DNAH11: variants seen among roughly 807,000 people sequenced by gnomAD.
DNAH11 encodes axonemal beta dynein heavy chain 11.
Under a neutral mutation model 526.0 loss-of-function variants are expected in DNAH11, and 442 were observed. The ratio of observed to expected loss-of-function variants is 0.84; its 90% CI spans 0.78 to 0.91. The LOEUF is 0.91. DNAH11 is among the 40% of genes least tolerant of loss of function. DNAH11 has a pLI of 0.00. For synonymous variants in DNAH11, 2,461 were observed against 1,935.9 expected, an observed-to-expected ratio of 1.27 and a Z score of -7.12; for missense variants, 6,989 against 5,448.7, an observed-to-expected ratio of 1.28 and a Z score of -8.90.
intron 8 of DNAH11, among the ~76,000 whole-genome samples, chr7:21,576,047 TA>T (rs1373615431): frequency 6.6e-6 from 1 of 152,176 alleles, no homozygotes; most frequent in Non-Finnish European, 1.5e-5. Context: ...TAAGTGCAAC[TA>T]AAACACTGGC....
chr7:21,839,587 A>AGG (rs1554287143), intron 65 of DNAH11, among the ~76,000 whole-genome samples: 1 of 150,698 alleles, frequency 6.6e-6, no homozygotes, highest in Non-Finnish European at 1.5e-5. Flanking sequence ...AAAAAAAAAA[A>AGG]GGGGACGTAT....
At chr7:21,872,314 A>G (rs1184938899) in intron 73 of DNAH11, among the ~76,000 whole-genome samples, 1 of 152,056 alleles carries the variant, frequency 6.6e-6, no homozygotes, top group African/African-American at 2.4e-5. Flanking sequence ...CAAGGGAATA[A>G]AAGCCAATAA....
chr7:21,619,273 G>A, intron 24 of DNAH11, 51 bp downstream of exon 24: 1 of 1,579,410 alleles, frequency 6.3e-7, no homozygotes, highest in Non-Finnish European at 8.6e-7. Flanking sequence ...TTGGGTATTT[G>A]CATAGAAGCC....
Position 21,591,440 on chromosome 7 carries a change from T to C in DNAH11, c.2530T>C (p.Trp844Arg). 6.2e-7 allele frequency: 1 copy of C among 1,613,912 alleles called. No homozygotes were observed. The highest frequency in any genetic ancestry group is 8.5e-7 in the Non-Finnish European group (1 of 1,179,864). ...GGTGATCCAGCAGACCATGAGGGGC[T>C]GGGCCAGGTGCGTGCTACCTCCCAG... ...VKVIQQTMRG[W>R]ARCVLPPRRE... is the part of the protein sequence containing the mutation. The change falls in exon 14 of 82, where the codon TGG (tryptophan) becomes CGG (arginine). Residue 844 changes from tryptophan to arginine, a missense_variant. Physicochemically the swap from Trp to Arg is moderately radical, Grantham distance 101. Transcript: ENST00000409508.
chr7:21,850,021 C>A, intron 66 of DNAH11, among the ~76,000 whole-genome samples: 1 of 149,618 alleles, frequency 6.7e-6, no homozygotes, highest in African/African-American at 2.5e-5. Flanking sequence ...TCTAAGCATA[C>A]TGATTCTTGT....
chr7:21,726,516 A>G (rs1252137588), intron 45 of DNAH11, among the ~76,000 whole-genome samples: 1 of 151,818 alleles, frequency 6.6e-6, no homozygotes, highest in Non-Finnish European at 1.5e-5. Flanking sequence ...TTGTGTTAAT[A>G]TGCTCAGCAT....
At chr7:21,842,429 A>G in intron 65 of DNAH11, 115 bp from the exon 66 acceptor site, 1 of 839,552 alleles carries the variant, frequency 1.2e-6, no homozygotes, top group Non-Finnish European at 1.7e-6. Flanking sequence ...AAAAATTCTC[A>G]ATCACCTGAG....
chr7:21,742,485 A>G (rs1785950554), intron 49 of DNAH11, among the ~76,000 whole-genome samples: 2 of 150,218 alleles, frequency 1.3e-5, no homozygotes, highest in Admixed American at 6.6e-5. Context: ...TCTTGCATGA[A>G]CTAACTGAGT....
intron 40 of DNAH11, 118 bp from the exon 41 acceptor site, chr7:21,710,435 A>C: frequency 2.5e-6 from 2 of 808,818 alleles, no homozygotes; most frequent in East Asian, 5.6e-5. Flanking sequence ...GGTGTTACAC[A>C]CTGCCCGCAA....
intron 28 of DNAH11, among the ~76,000 whole-genome samples, chr7:21,646,159 G>A (rs1373064420): frequency 6.6e-6 from 1 of 152,106 alleles, no homozygotes; most frequent in Non-Finnish European, 1.5e-5. Flanking sequence ...GGAATGGCTA[G>A]TAAACATAAG....
chr7:21,615,487 A>G (rs1181965772), intron 21 of DNAH11, among the ~76,000 whole-genome samples: 1 of 152,014 alleles, frequency 6.6e-6, no homozygotes. Context: ...TCAGGATGAA[A>G]CTTTGTTTAA....
chr7:21,881,752 A>G (rs1005136541), intron 75 of DNAH11, among the ~76,000 whole-genome samples: 3 of 152,178 alleles, frequency 2.0e-5, no homozygotes, highest in Non-Finnish European at 4.4e-5. Context: ...AATGATTGTT[A>G]TAACTTTTTT....
intron 57 of DNAH11, among the ~76,000 whole-genome samples, chr7:21,783,414 G>A (rs1788038800): frequency 6.6e-6 from 1 of 152,128 alleles, no homozygotes; most frequent in South Asian, 2.1e-4. Flanking sequence ...TTAATTTTAT[G>A]GTATAGTTAA....
At chr7:21,825,945 T>G (rs1583741991) in intron 65 of DNAH11, among the ~76,000 whole-genome samples, 2 of 140,258 alleles carry the variant, frequency 1.4e-5, no homozygotes, top group African/African-American at 2.7e-5. Flanking sequence ...GGCGAAGGAG[T>G]GAGACTCTGT....
chr7:21,587,971 A>G, intron 9 of DNAH11, 93 bp from the exon 10 acceptor site: 5 of 1,184,676 alleles, frequency 4.2e-6, no homozygotes, highest in Non-Finnish European at 5.7e-6. Context: ...TCTAAACTTT[A>G]GTCATGTAAG....
chr7:21,545,854 C>T (rs970217528), intron 2 of DNAH11, among the ~76,000 whole-genome samples: 2 of 152,184 alleles, frequency 1.3e-5, no homozygotes, highest in African/African-American at 4.8e-5. Flanking sequence ...GCCAAATAAC[C>T]AGGTTCCATG....
chr7:21,735,926 G>T, intron 46 of DNAH11, 82 bp downstream of exon 46: 5 of 1,281,034 alleles, frequency 3.9e-6, no homozygotes, highest in Non-Finnish European at 5.3e-6. Context: ...GACTAATAAT[G>T]CCTTTCCCTA....
intron 2 of DNAH11, among the ~76,000 whole-genome samples, chr7:21,548,022 G>C (rs1258204750): frequency 6.6e-6 from 1 of 152,160 alleles, no homozygotes; most frequent in Non-Finnish European, 1.5e-5. Flanking sequence ...TAAGACTCCT[G>C]CCACAATTAT....
chr7:21,652,854 A>G (rs1350069566), intron 28 of DNAH11, among the ~76,000 whole-genome samples: 2 of 151,242 alleles, frequency 1.3e-5, no homozygotes, highest in Non-Finnish European at 1.5e-5. Flanking sequence ...CCTACGAAGT[A>G]TTAGTTTTTT....
Sources: allele counts gnomAD v4.1 joint callset (sites outside exome capture counted in the v4.1 genomes callset), GRCh38; gene constraint gnomAD v4.1.1; transcripts MANE v1.5; gene names NCBI Gene and HGNC (gene_info 2026-07-23, HGNC 2026-07-21).